The following NLGN1 variants were observed in gnomAD, a reference collection of about 807,000 sequenced individuals.
NLGN1 encodes the protein neuroligin 1.
NLGN1 carries 12 observed loss-of-function variants against 65.5 expected under a neutral mutation model. That is an observed-to-expected ratio of 0.18 (90% CI 0.12 to 0.30). The LOEUF is 0.30. NLGN1 is among the 10% of genes least tolerant of loss of function. The pLI, the probability that NLGN1 is intolerant of heterozygous loss-of-function variation, is 1.00. For missense variants in NLGN1, 750 were observed against 1,007.1 expected, an observed-to-expected ratio of 0.74 and a Z score of 3.46; for synonymous variants, 350 against 359.5, an observed-to-expected ratio of 0.97 and a Z score of 0.30.
At chr3:173,833,661 G>T (rs995570264) in intron 4 of NLGN1, among the ~76,000 whole-genome samples, 26 of 152,064 alleles carry the variant, frequency 1.7e-4, no homozygotes, top group South Asian at 8.3e-4. Flanking sequence ...TGGGTCTGCG[G>T]GCATGCACCA....
rs541125174 is a variant in NLGN1 at position 173,594,503 on chromosome 3, C to A, written c.-320-9776C>A. 1.3e-3 allele frequency among the ~76,000 whole-genome samples: 195 copies of A among 152,360 alleles called. 1 individual carries two copies. The highest frequency in any genetic ancestry group is 4.5e-3 in the African/African-American group (187 of 41,582). On this transcript the variant is annotated intron_variant, in intron 2 of 6. Coordinates refer to ENST00000457714, the Ensembl canonical transcript of NLGN1. ...GCTTTGCAGGGTCCAACCTCCCTCC[C>A]AGCTGCTTTCATGGACTGGCATTAA...
chr3:173,559,104 T>A (rs150620124), intron 2 of NLGN1, among the ~76,000 whole-genome samples: 161 of 152,302 alleles, frequency 1.1e-3, no homozygotes, highest in African/African-American at 3.6e-3. Flanking sequence ...TTGGAAGTCA[T>A]TGGGCTGAAG....
At chr3:174,109,160 A>G (rs888444111) in intron 4 of NLGN1, among the ~76,000 whole-genome samples, 4 of 152,046 alleles carry the variant, frequency 2.6e-5, no homozygotes, top group Non-Finnish European at 5.9e-5. Context: ...GAGAAAAATG[A>G]AAAACAATTA....
At chr3:174,198,423 A>T (rs1326251439) in intron 4 of NLGN1, among the ~76,000 whole-genome samples, 1 of 152,210 alleles carries the variant, frequency 6.6e-6, no homozygotes, top group African/African-American at 2.4e-5. Context: ...ACATCCTTAC[A>T]TATAAATATT....
intron 4 of NLGN1, among the ~76,000 whole-genome samples, chr3:173,926,936 C>T (rs1167209347): frequency 6.6e-6 from 1 of 152,160 alleles, no homozygotes; most frequent in African/African-American, 2.4e-5. Flanking sequence ...ACTGGAAAGC[C>T]AATTGAGTCT....
intron 4 of NLGN1, among the ~76,000 whole-genome samples, chr3:174,045,285 C>T (rs1454941365): frequency 1.3e-5 from 2 of 152,124 alleles, no homozygotes; most frequent in East Asian, 3.9e-4. Context: ...AAATAGGCCT[C>T]AGGAAACTTA....
intron 3 of NLGN1, among the ~76,000 whole-genome samples, chr3:173,669,051 G>A (rs4894452): frequency 0.4 from 61,203 of 152,034 alleles, 13,105 homozygotes; most frequent in African/African-American, 0.56. Context: ...GCTATAATAT[G>A]ATTGTTATGT....
chr3:174,258,812 C>T (rs529339419), intron 4 of NLGN1, among the ~76,000 whole-genome samples: 1 of 151,816 alleles, frequency 6.6e-6, no homozygotes, highest in African/African-American at 2.4e-5. Flanking sequence ...CTAAATTCAA[C>T]ATGTGAGTTC....
At chr3:173,574,062 C>CAAAAAAAAAAAAAA (rs1192427397) in intron 2 of NLGN1, among the ~76,000 whole-genome samples, 42 of 51,648 alleles carry the variant, frequency 8.1e-4, no homozygotes, top group East Asian at 1.1e-3. Context: ...GACTCCACCT[C>CAAAAAAAAAAAAAA]AAAAAAAAAA....
intron 3 of NLGN1, among the ~76,000 whole-genome samples, chr3:173,806,325 A>G (rs1220670958): frequency 6.6e-6 from 1 of 152,150 alleles, no homozygotes; most frequent in East Asian, 1.9e-4. Context: ...AATGCAAAGC[A>G]ATCTCTAAGT....
At chr3:173,673,779 G>A (rs73880539) in intron 3 of NLGN1, among the ~76,000 whole-genome samples, 3,846 of 152,026 alleles carry the variant, frequency 0.025, 169 homozygotes, top group African/African-American at 0.088. Context: ...CAGGTTCTTG[G>A]CATCTTGAAC....
intron 1 of NLGN1, among the ~76,000 whole-genome samples, chr3:173,418,718 T>G (rs1221234832): frequency 6.6e-6 from 1 of 152,232 alleles, no homozygotes; most frequent in Admixed American, 6.5e-5. Flanking sequence ...TTGTTACTGT[T>G]TCTTTCTTTA....
At chr3:173,996,004 C>T (rs1235597933) in intron 4 of NLGN1, among the ~76,000 whole-genome samples, 1 of 152,016 alleles carries the variant, frequency 6.6e-6, no homozygotes, top group Non-Finnish European at 1.5e-5. Context: ...TTGTTTTTAA[C>T]CATAACAATC....
chr3:173,457,005 C>A (rs1018084939), intron 2 of NLGN1, among the ~76,000 whole-genome samples: 5 of 152,098 alleles, frequency 3.3e-5, no homozygotes, highest in Non-Finnish European at 5.9e-5. Context: ...CCTAACCTAT[C>A]TCTTCCCATT....
chr3:174,265,535 G>A (rs946829395), intron 4 of NLGN1, among the ~76,000 whole-genome samples: 2 of 151,674 alleles, frequency 1.3e-5, no homozygotes, highest in African/African-American at 4.9e-5. Flanking sequence ...GCCCTGTTTC[G>A]GCTCGCACAC....
chr3:173,685,071 CCTT>C (rs1314090762), intron 3 of NLGN1, among the ~76,000 whole-genome samples: 2 of 152,064 alleles, frequency 1.3e-5, no homozygotes, highest in Non-Finnish European at 2.9e-5. Flanking sequence ...GTTAAGCCCT[CCTT>C]ATTAGACCAT....
chr3:174,224,686 G>A (rs1739281482), intron 4 of NLGN1, among the ~76,000 whole-genome samples: 1 of 152,110 alleles, frequency 6.6e-6, no homozygotes. Context: ...GTGACAGAGT[G>A]AGACTCGGTC....
At chr3:173,822,136 G>A (rs1284511966) in intron 4 of NLGN1, among the ~76,000 whole-genome samples, 1 of 152,112 alleles carries the variant, frequency 6.6e-6, no homozygotes, top group Non-Finnish European at 1.5e-5. Context: ...ATATGTTGGG[G>A]ACAGTTAACA....
chr3:174,186,026 T>G (rs1328048657), intron 4 of NLGN1, among the ~76,000 whole-genome samples: 7 of 151,970 alleles, frequency 4.6e-5, no homozygotes, highest in Non-Finnish European at 1.0e-4. Context: ...CCAATAAATT[T>G]TACAGGGAGA....
Sources: allele counts gnomAD v4.1 joint callset (sites outside exome capture counted in the v4.1 genomes callset), GRCh38; gene constraint gnomAD v4.1.1; transcripts MANE v1.5; gene names NCBI Gene and HGNC (gene_info 2026-07-23, HGNC 2026-07-21).